PPP2R2B: variants seen among roughly 807,000 people sequenced by gnomAD.
The protein encoded by PPP2R2B is protein phosphatase 2 regulatory subunit Bbeta.
PPP2R2B carries 5 observed loss-of-function variants against 46.0 expected under a neutral mutation model. The ratio of observed to expected loss-of-function variants is 0.11; its 90% CI spans 0.06 to 0.23. The LOEUF is 0.23. PPP2R2B is among the 10% of genes least tolerant of loss of function. The pLI, the probability that PPP2R2B is intolerant of heterozygous loss-of-function variation, is 1.00. For missense variants in PPP2R2B, 367 were observed against 575.0 expected, an observed-to-expected ratio of 0.64 and a Z score of 3.70; for synonymous variants, 215 against 206.7, an observed-to-expected ratio of 1.04 and a Z score of -0.34.
intron 1 of PPP2R2B, among the ~76,000 whole-genome samples, chr5:147,054,410 C>T (rs988865205): frequency 1.7e-4 from 26 of 151,972 alleles, no homozygotes; most frequent in African/African-American, 5.3e-4. Flanking sequence ...TTTTTCTCCA[C>T]GAGGAAGAAA....
intron 1 of PPP2R2B, among the ~76,000 whole-genome samples, chr5:146,997,126 A>AGAGTATCC (rs1440861074): frequency 6.6e-6 from 1 of 152,174 alleles, no homozygotes; most frequent in Admixed American, 6.5e-5. Context: ...TTAAACATTC[A>AGAGTATCC]GAGTATCCCC....
At chr5:146,947,073 T>A (rs1381379988) in intron 1 of PPP2R2B, among the ~76,000 whole-genome samples, 2 of 152,092 alleles carry the variant, frequency 1.3e-5, no homozygotes, top group African/African-American at 4.8e-5. Flanking sequence ...CTACACAAGG[T>A]CAGTAATCAG....
At chr5:146,778,174 C>A (rs1327410178) in intron 2 of PPP2R2B, among the ~76,000 whole-genome samples, 1 of 152,128 alleles carries the variant, frequency 6.6e-6, no homozygotes, top group African/African-American at 2.4e-5. Context: ...CTGTTTTTGT[C>A]TGGTGATGTC....
intron 1 of PPP2R2B, among the ~76,000 whole-genome samples, chr5:146,887,317 T>C (rs1332026849): frequency 6.6e-6 from 1 of 152,148 alleles, no homozygotes; most frequent in Non-Finnish European, 1.5e-5. Flanking sequence ...ACAATGGAAC[T>C]GTTTCAAAAT....
chr5:146,828,254 C>CTT (rs78614284), intron 2 of PPP2R2B, among the ~76,000 whole-genome samples: 21,417 of 148,370 alleles, frequency 0.14, 1,638 homozygotes, highest in African/African-American at 0.2. Context: ...ATTACTTTTA[C>CTT]TTTTTTTAAA....
In PPP2R2B at chr5:147,045,147, C is replaced by T. The variant is rs190090584; in HGVS notation, c.79+10518G>A. Among the ~76,000 whole-genome samples the T allele has an allele frequency of 1.8e-4, 27 of 152,288 alleles. No homozygotes were observed. The East Asian group carries it at 5.2e-3, about 29-fold the overall frequency. On this transcript the variant is annotated intron_variant, in intron 1 of 8. Transcript: ENST00000336640. ...AGGGCATGCCTAGAGCCATTTACAA[C>T]TCTACATAATGTAACAGTAAGGACT...
At chr5:147,063,096 G>A (rs995737052) in intron 2 of PPP2R2B, among the ~76,000 whole-genome samples, 5 of 147,298 alleles carry the variant, frequency 3.4e-5, no homozygotes, top group African/African-American at 1.3e-4. Flanking sequence ...GGAAGGGAAG[G>A]GAGATAGAAA....
At chr5:146,992,848 A>C (rs1753756426) in intron 1 of PPP2R2B, among the ~76,000 whole-genome samples, 2 of 152,242 alleles carry the variant, frequency 1.3e-5, no homozygotes, top group Admixed American at 6.5e-5. Flanking sequence ...GGGCTATGGT[A>C]GATAATATTA....
At chr5:147,062,970 G>A (rs917871583) in intron 2 of PPP2R2B, among the ~76,000 whole-genome samples, 2 of 92,526 alleles carry the variant, frequency 2.2e-5, no homozygotes, top group Admixed American at 2.1e-4. Context: ...GAGGGAGGGA[G>A]GGAGGGAGGG....
At chr5:146,596,185 G>A (rs937885583) in intron 8 of PPP2R2B, among the ~76,000 whole-genome samples, 4 of 152,188 alleles carry the variant, frequency 2.6e-5, no homozygotes, top group Admixed American at 2.6e-4. Context: ...TAGGGGGCTG[G>A]TTTGGAACAC....
At chr5:146,762,704 T>C (rs997919415) in intron 2 of PPP2R2B, among the ~76,000 whole-genome samples, 1 of 152,156 alleles carries the variant, frequency 6.6e-6, no homozygotes, top group African/African-American at 2.4e-5. Flanking sequence ...TAAATAGGGA[T>C]GCACGGCACC....
intron 7 of PPP2R2B, among the ~76,000 whole-genome samples, chr5:146,609,650 C>CCGAA (rs1489033581): frequency 6.7e-6 from 1 of 148,998 alleles, no homozygotes; most frequent in East Asian, 2.0e-4. Flanking sequence ...CGTGCGCGAG[C>CCGAA]CGAAGCAGGG....
chr5:146,799,610 A>C (rs1756744065), intron 2 of PPP2R2B, among the ~76,000 whole-genome samples: 1 of 152,234 alleles, frequency 6.6e-6, no homozygotes, highest in African/African-American at 2.4e-5. Flanking sequence ...AGAGGTGAAC[A>C]AAAGAGATTC....
At chr5:146,735,856 G>A (rs1752503630) in intron 2 of PPP2R2B, among the ~76,000 whole-genome samples, 1 of 152,140 alleles carries the variant, frequency 6.6e-6, no homozygotes, top group Non-Finnish European at 1.5e-5. Context: ...ATTTGATGAT[G>A]ATAACCTATT....
intron 2 of PPP2R2B, chr5:146,707,017 T>C: frequency 9.8e-7 from 1 of 1,020,102 alleles, no homozygotes; most frequent in South Asian, 1.3e-5. Context: ...TTCATCCACA[T>C]CCTTCTTGAT....
At chr5:147,081,426 T>A in exon 1 of PPP2R2B, 1 of 855,536 alleles carries the variant, frequency 1.2e-6, no homozygotes. Flanking sequence ...CCTGGCAGCG[T>A]CCTGGAGTGG....
intron 2 of PPP2R2B, among the ~76,000 whole-genome samples, chr5:146,830,040 A>G (rs1210795100): frequency 6.6e-6 from 1 of 152,206 alleles, no homozygotes; most frequent in African/African-American, 2.4e-5. Flanking sequence ...TATTCTATGC[A>G]AAACATATAG....
intron 7 of PPP2R2B, among the ~76,000 whole-genome samples, chr5:146,606,367 G>T (rs1772271029): frequency 1.3e-5 from 2 of 152,196 alleles, no homozygotes; most frequent in Admixed American, 1.3e-4. Flanking sequence ...GTCTTAGATG[G>T]TGTGGTGACT....
intron 1 of PPP2R2B, among the ~76,000 whole-genome samples, chr5:146,937,066 C>G (rs1361399976): frequency 6.6e-6 from 1 of 152,076 alleles, no homozygotes; most frequent in African/African-American, 2.4e-5. Flanking sequence ...CTTTGGGAAG[C>G]CAAGGCGGGC....
Sources: gnomAD v4.1 joint callset for allele counts (sites outside exome capture counted in the v4.1 genomes callset) on GRCh38, gnomAD v4.1.1 for gene constraint, MANE v1.5 for transcripts, NCBI Gene and HGNC (gene_info 2026-07-23, HGNC 2026-07-21) for gene names.